PPARGC1A: variants seen among roughly 807,000 people sequenced by gnomAD.
The protein encoded by PPARGC1A is peroxisome proliferator-activated receptor gamma coactivator 1-alpha.
Under a neutral mutation model 88.7 loss-of-function variants are expected in PPARGC1A, and 25 were observed. The observed-to-expected ratio is 0.28, with a 90% confidence interval of 0.21 to 0.39. The LOEUF is 0.39. Ranked by LOEUF, PPARGC1A falls within the 10% of genes least tolerant of loss-of-function variation. PPARGC1A has a pLI of 1.00. For synonymous variants in PPARGC1A, 363 were observed against 355.6 expected (o/e 1.02, Z -0.24); for missense variants, 880 against 968.7 (o/e 0.91, Z 1.22).
chr4:24,175,538 C>CTTTTTTTTTTTTTT, the PPARGC1A span, among the ~76,000 whole-genome samples: 41 of 84,876 alleles, frequency 4.8e-4, no homozygotes, highest in African/African-American at 9.7e-4. Flanking sequence ...CCACACCAAG[C>CTTTTTTTTTTTTTT]TTTTTTTTTT....
At chr4:23,894,577 A>C (rs1283707376), upstream of PPARGC1A, among the ~76,000 whole-genome samples, 2 of 152,158 alleles carry the variant, frequency 1.3e-5, no homozygotes. Context: ...TTTAATAAAC[A>C]AGTTATGATA....
At chr4:24,213,381 T>A in the PPARGC1A span, among the ~76,000 whole-genome samples, 1 of 152,076 alleles carries the variant, frequency 6.6e-6, no homozygotes, top group Non-Finnish European at 1.5e-5. Flanking sequence ...TTAGCCAGAA[T>A]AGTCTCGATC....
the PPARGC1A span, among the ~76,000 whole-genome samples, chr4:24,313,789 C>A: frequency 2.6e-5 from 4 of 152,080 alleles, no homozygotes; most frequent in African/African-American, 4.8e-5. Flanking sequence ...AATTTCACTG[C>A]TAGGTACATA....
the PPARGC1A span, chr4:24,258,130 G>A: frequency 6.8e-6 from 5 of 732,472 alleles, no homozygotes; most frequent in South Asian, 3.0e-4. Flanking sequence ...TTCCTGATAT[G>A]GCAAGAGCAG....
the PPARGC1A span, among the ~76,000 whole-genome samples, chr4:24,068,491 T>C: frequency 1.3e-5 from 2 of 152,118 alleles, no homozygotes; most frequent in Admixed American, 6.6e-5. Flanking sequence ...CTTCAGGGAA[T>C]TGCAAACTCA....
chr4:24,196,396 A>T, the PPARGC1A span, among the ~76,000 whole-genome samples: 1 of 152,258 alleles, frequency 6.6e-6, no homozygotes, highest in African/African-American at 2.4e-5. Flanking sequence ...TTATTTGGCT[A>T]TTACTTATCT....
In PPARGC1A at chr4:23,873,221, A is replaced by AAG. The variant is rs1553899203; in HGVS notation, c.234+11530_234+11531insCT. 4.7e-3 allele frequency among the ~76,000 whole-genome samples: 675 copies of AAG among 142,192 alleles called. 30 individuals carry two copies. In the East Asian group the frequency reaches 0.064, roughly 13 times the overall value. The allele number at this position is 142,192 out of a possible 152,430, so 93.3% of individuals were successfully genotyped here. ...TCAAAAATAAAAAATAAAAAATAAAAAATAAAGAAAAAAATGTGACCAGCC... is the reference window on the plus strand; with the variant it reads ...TCAAAAATAAAAAATAAAAAATAAAAAGAATAAAGAAAAAAATGTGACCAGCC... On this transcript the variant is annotated intron_variant, in intron 2 of 12. Coordinates refer to ENST00000264867, the MANE Select transcript of PPARGC1A (RefSeq NM_013261.5).
chr4:24,387,940 G>GAA, the PPARGC1A span, among the ~76,000 whole-genome samples: 1 of 137,224 alleles, frequency 7.3e-6, no homozygotes, highest in East Asian at 2.2e-4. Flanking sequence ...GAAAGAGAAA[G>GAA]AAAGAAAGAA....
the PPARGC1A span, among the ~76,000 whole-genome samples, chr4:24,075,062 T>C: frequency 6.6e-6 from 1 of 152,122 alleles, no homozygotes; most frequent in South Asian, 2.1e-4. Flanking sequence ...CAGAAGTGCA[T>C]GATGTCCCTA....
chr4:24,152,621 ATTAT>A, the PPARGC1A span, among the ~76,000 whole-genome samples: 3 of 152,204 alleles, frequency 2.0e-5, no homozygotes, highest in Non-Finnish European at 2.9e-5. Context: ...TATTATTAGT[ATTAT>A]TTAGTCATAG....
the PPARGC1A span, among the ~76,000 whole-genome samples, chr4:24,248,498 A>C: frequency 6.6e-6 from 1 of 152,020 alleles, no homozygotes; most frequent in Non-Finnish European, 1.5e-5. Context: ...GAAAAAAAAA[A>C]GTGTATTATC....
the PPARGC1A span, among the ~76,000 whole-genome samples, chr4:24,284,129 CAAAA>C: frequency 1.1e-4 from 13 of 117,920 alleles, no homozygotes; most frequent in East Asian, 1.7e-3. Context: ...CTAAAAATAC[CAAAA>C]AAAAAAAAAA....
chr4:24,061,375 G>A, the PPARGC1A span, among the ~76,000 whole-genome samples: 2 of 152,216 alleles, frequency 1.3e-5, no homozygotes, highest in Non-Finnish European at 2.9e-5. Context: ...GGCAAGTCTA[G>A]CGAAGGAGAA....
the PPARGC1A span, among the ~76,000 whole-genome samples, chr4:24,206,493 T>A: frequency 6.6e-6 from 1 of 152,158 alleles, no homozygotes; most frequent in Admixed American, 6.5e-5. Context: ...ACTGTCCTAC[T>A]TGAACTTAAC....
the PPARGC1A span, among the ~76,000 whole-genome samples, chr4:24,076,458 A>C: frequency 3.3e-5 from 5 of 152,136 alleles, no homozygotes; most frequent in African/African-American, 1.2e-4. Context: ...AAAATCACTG[A>C]TTACCTATTT....
At chr4:24,085,281 G>C in the PPARGC1A span, among the ~76,000 whole-genome samples, 21 of 152,084 alleles carry the variant, frequency 1.4e-4, no homozygotes, top group Non-Finnish European at 1.5e-5. Context: ...ACCATGATTC[G>C]GCTTTATTTT....
At chr4:24,267,345 G>T in the PPARGC1A span, among the ~76,000 whole-genome samples, 1 of 152,162 alleles carries the variant, frequency 6.6e-6, no homozygotes, top group African/African-American at 2.4e-5. Context: ...GTAAGCCCCA[G>T]CAGGGAACCA....
the PPARGC1A span, among the ~76,000 whole-genome samples, chr4:24,050,198 TG>T: frequency 2.4e-4 from 33 of 138,568 alleles, 1 homozygote; most frequent in African/African-American, 6.5e-4. Context: ...GGTGACCTTT[TG>T]TTTTTTTTTT....
At position 23,814,349 on chromosome 4, in the gene PPARGC1A, C is replaced by T; in HGVS notation, c.1134G>A (p.Leu378=). The stretch of plus-strand genomic sequence containing the variant: ...AATAGTCATGGTCACCAAACAGCCG[C>T]AGACTGGGCCGCTTGGTCTTCCTTT... ...HEERKTKRPS[L]RLFGDHDYCQ... Residue 378 remains leucine (L), a synonymous_variant, in exon 8 of 13, where the codon CTG becomes CTA. Coordinates refer to ENST00000264867, the MANE Select transcript of PPARGC1A (RefSeq NM_013261.5). The T allele has an allele frequency of 1.2e-6, 2 of 1,614,006 alleles. No individual in the cohort carries two copies. The highest frequency in any genetic ancestry group is 2.2e-5 in the South Asian group (2 of 91,062).
Sources: allele counts gnomAD v4.1 joint callset (sites outside exome capture counted in the v4.1 genomes callset), GRCh38; gene constraint gnomAD v4.1.1; transcripts MANE v1.5; gene names NCBI Gene and HGNC (gene_info 2026-07-23, HGNC 2026-07-21).